CAPN3: variants seen among roughly 807,000 people sequenced by gnomAD.
CAPN3 encodes the protein calpain-3.
Under a neutral mutation model 114.0 loss-of-function variants are expected in CAPN3, and 88 were observed. The ratio of observed to expected loss-of-function variants is 0.77; its 90% CI spans 0.65 to 0.92. The LOEUF (loss-of-function observed/expected upper bound fraction) is 0.92. Among genes scored for constraint, CAPN3 ranks in the 40% least tolerant of loss-of-function variants. The pLI is 0.00. For synonymous variants in CAPN3, 386 were observed against 382.9 expected (o/e 1.01, Z -0.09); for missense variants, 1,028 against 1,069.0 (o/e 0.96, Z 0.53).
intron 6 of CAPN3, among the ~76,000 whole-genome samples, chr15:42,390,790 G>GTTTTTTT (rs373599109): frequency 1.2e-4 from 13 of 110,310 alleles, no homozygotes; most frequent in Non-Finnish European, 1.8e-4. Flanking sequence ...TTGTTTTTTT[G>GTTTTTTT]TTTTTTTTTT....
At chr15:42,365,471 C>G (rs780189819) in intron 1 of CAPN3, among the ~76,000 whole-genome samples, 1 of 152,198 alleles carries the variant, frequency 6.6e-6, no homozygotes, top group Non-Finnish European at 1.5e-5. Context: ...GCTCTCTCCT[C>G]TATTTGCTGT....
rs775217052 is a variant in CAPN3 at position 42,409,382 on chromosome 15, T to A, written c.1992+2T>A. On this transcript the variant is annotated splice_donor_variant, in intron 17 of 23. Coordinates refer to ENST00000397163, the MANE Select transcript of CAPN3 (RefSeq NM_000070.3). LOFTEE classifies it high-confidence loss of function. ...ATTTTCAAGCAGATAGCAGGAGATGTGAGTACCTCCAAGCCCAGGACGCCC... is the reference window on the plus strand; with the variant it reads ...ATTTTCAAGCAGATAGCAGGAGATGAGAGTACCTCCAAGCCCAGGACGCCC... 6.2e-7 allele frequency: 1 copy of A among 1,613,780 alleles called. No homozygotes were observed. The highest frequency in any genetic ancestry group is 1.3e-5 in the African/African-American group (1 of 75,050).
chr15:42,390,975 T>G (rs2053541008), intron 6 of CAPN3, among the ~76,000 whole-genome samples: 1 of 151,920 alleles, frequency 6.6e-6, no homozygotes, highest in Non-Finnish European at 1.5e-5. Flanking sequence ...TATTTTTTAG[T>G]AGAGACGGGG....
chr15:42,409,728 G>A, intron 17 of CAPN3, 59 bp from the exon 18 acceptor site: 1 of 1,467,870 alleles, frequency 6.8e-7, no homozygotes, highest in Non-Finnish European at 9.6e-7. Context: ...TTTGCAAAGT[G>A]TCCGCGCCAG....
Position 42,410,872 on chromosome 15 carries a change from T to A in CAPN3, c.2264-12T>A, listed in dbSNP as rs554371632. On this transcript the variant is annotated splice_polypyrimidine_tract_variant and intron_variant, in intron 21 of 23. Coordinates refer to ENST00000397163, the MANE Select transcript of CAPN3 (RefSeq NM_000070.3). ...AGCTCCACGTCCACCTCTAACATGG[T>A]CCCCTCCACAGGATTCCACCTCAAC... 4 of 1,603,280 alleles carry A rather than the reference T, an allele frequency of 2.5e-6. No individual in the cohort carries two copies. Among genetic ancestry groups the A allele is most frequent in the African/African-American group, 2.7e-5 (2 of 74,782 alleles).
At chr15:42,374,794 CT>C (rs66487749) in intron 1 of CAPN3, among the ~76,000 whole-genome samples, 6,460 of 85,576 alleles carry the variant, frequency 0.075, 130 homozygotes, top group Admixed American at 0.16. Context: ...TATCATGTCT[CT>C]TTTTTTTTTT....
chr15:42,408,175 C>T (rs2082407013), intron 15 of CAPN3, 36 bp from the exon 16 acceptor site: 1 of 1,417,458 alleles, frequency 7.1e-7, no homozygotes, highest in East Asian at 2.3e-5. Flanking sequence ...GACTGTAATC[C>T]TCCCTTCCTT....
At chr15:42,382,013 C>T (rs766281447) in intron 1 of CAPN3, among the ~76,000 whole-genome samples, 43 of 152,282 alleles carry the variant, frequency 2.8e-4, no homozygotes, top group Non-Finnish European at 5.9e-4. Flanking sequence ...TTGCCCACAT[C>T]CCTTATTCTT....
At position 42,411,697 on chromosome 15, in the gene CAPN3, G is replaced by T. The variant is rs776580329; in HGVS notation, c.2440-50G>T. 66 of 810,124 alleles carry T rather than the reference G, an allele frequency of 8.1e-5. 1 individual carries two copies. Among genetic ancestry groups the T allele is most frequent in the Middle Eastern group, 3.2e-4 (1 of 3,120 alleles). The allele number at this position is 810,124 out of a possible 1,614,324, so 50.2% of individuals were successfully genotyped here. A position where few individuals can be genotyped will look rare whatever the true frequency, so the allele number is the denominator to read the frequency against. On this transcript the variant is annotated intron_variant, in intron 23 of 23. Coordinates refer to ENST00000397163, the MANE Select transcript of CAPN3 (RefSeq NM_000070.3). ...CGTAAGATTCCTAGGGCGGGGGGGGGGGGGGTCACTCTTTTCTGATCTACA... is the reference window on the plus strand; with the variant it reads ...CGTAAGATTCCTAGGGCGGGGGGGGTGGGGGTCACTCTTTTCTGATCTACA...
intron 1 of CAPN3, among the ~76,000 whole-genome samples, chr15:42,380,745 ATATATATTTTTTTT>A (rs1390289976): frequency 5.4e-5 from 3 of 55,944 alleles, no homozygotes; most frequent in African/African-American, 3.1e-4. Context: ...ATATATATAT[ATATATATTTTTTTT>A]TTTTTTTTTT....
chr15:42,398,106 T>G (rs6493046), intron 9 of CAPN3, among the ~76,000 whole-genome samples: 9,171 of 135,860 alleles, frequency 0.068, 397 homozygotes, highest in African/African-American at 0.19. Context: ...TATATATTTT[T>G]GGGGTACATA....
In CAPN3 at chr15:42,360,018, G is replaced by C. The variant is rs747525340; in HGVS notation, c.213G>C (p.Lys71Asn). Residue 71 changes from lysine (K) to asparagine (N), a missense_variant, in exon 1 of 24, where the codon AAG becomes AAC. Transcript: ENST00000397163. ...FEQLHKKCLE[K>N]KVLYVDPEFP... The stretch of plus-strand genomic sequence containing the variant: ...AACTTCACAAGAAATGTCTAGAAAA[G>C]AAAGTTCTTTATGTGGACCCTGAGT... 1 of 1,614,250 alleles carries C rather than the reference G, an allele frequency of 6.2e-7. No homozygotes were observed. The highest frequency in any genetic ancestry group is 8.5e-7 in the Non-Finnish European group (1 of 1,180,044).
chr15:42,388,801 A>G, intron 4 of CAPN3, 127 bp from the exon 5 acceptor site: 1 of 828,930 alleles, frequency 1.2e-6, no homozygotes. Context: ...ATGAGCTCAT[A>G]GGGTTAATGT....
chr15:42,365,675 T>C (rs112229812), intron 1 of CAPN3, among the ~76,000 whole-genome samples: 5,761 of 152,244 alleles, frequency 0.038, 330 homozygotes, highest in African/African-American at 0.12. Context: ...GCTGGGTCTC[T>C]ACTTCAGCCA....
intron 1 of CAPN3, among the ~76,000 whole-genome samples, chr15:42,369,718 G>T (rs767670263): frequency 1.3e-5 from 2 of 151,840 alleles, no homozygotes; most frequent in Non-Finnish European, 2.9e-5. Context: ...TTGTACATTT[G>T]TTGCCCCACA....
Position 42,412,137 on chromosome 15 carries a change from G to C in CAPN3, c.*364G>C, listed in dbSNP as rs933515358. The C allele has an allele frequency of 2.7e-5, 41 of 1,536,044 alleles. No homozygotes were observed. In the African/African-American group the frequency reaches 4.9e-4, roughly 18 times the overall value. ...GCACTCAGCACCTCCTTGTGCTAGA[G>C]CCCTCCATCACCTTCACGCTGTCCC... On this transcript the variant is annotated 3_prime_UTR_variant, in exon 24 of 24. Transcript: ENST00000397163.
intron 1 of CAPN3, among the ~76,000 whole-genome samples, chr15:42,379,771 GATT>G (rs1484056695): frequency 1.3e-4 from 20 of 152,086 alleles, no homozygotes; most frequent in Admixed American, 4.6e-4. Context: ...ACTTTCTTTT[GATT>G]ATTGTTAGCA....
In CAPN3 at chr15:42,401,830, T is replaced by G. The variant is rs1186408805; in HGVS notation, c.1524+20T>G. 2 of 1,607,532 alleles carry G rather than the reference T, an allele frequency of 1.2e-6. No homozygotes were observed. Among genetic ancestry groups the G allele is most frequent in the Admixed American group, 3.4e-5 (2 of 58,840 alleles). On this transcript the variant is annotated intron_variant, in intron 11 of 23. Coordinates refer to ENST00000397163, the MANE Select transcript of CAPN3 (RefSeq NM_000070.3). The stretch of plus-strand genomic sequence containing the variant: ...TACGAGGTGTGCAGTCCTGATTGGC[T>G]CCAGCCCAGGAAACATACTTTCCCA...
At chr15:42,401,956 A>T in intron 11 of CAPN3, 146 bp downstream of exon 11, 1 of 1,335,774 alleles carries the variant, frequency 7.5e-7, no homozygotes, top group South Asian at 1.2e-5. Flanking sequence ...GTTTGTAACA[A>T]GCAAAAAATA....
Sources: allele counts gnomAD v4.1 joint callset (sites outside exome capture counted in the v4.1 genomes callset), GRCh38; gene constraint gnomAD v4.1.1; transcripts MANE v1.5; gene names NCBI Gene and HGNC (gene_info 2026-07-23, HGNC 2026-07-21).